KLHL13: variants seen among roughly 807,000 people sequenced by gnomAD.
KLHL13 encodes the protein kelch like family member 13, also known as kelch-like protein 13.
Under a neutral mutation model 37.1 loss-of-function variants are expected in KLHL13, and 10 were observed. The observed-to-expected ratio is 0.27, with a 90% CI of 0.17 to 0.46. The LOEUF (loss-of-function observed/expected upper bound fraction) is 0.46, where lower values mean the gene tolerates loss of function less well. Among genes scored for constraint, KLHL13 ranks in the 20% least tolerant of loss-of-function variants. The probability of loss-of-function intolerance (pLI) is 1.00; values close to 1 mark genes in which losing one functional copy is unlikely to be tolerated. For missense variants in KLHL13, 360 were observed against 509.3 expected (o/e 0.71, Z 2.82); for synonymous variants, 163 against 181.2 (o/e 0.90, Z 0.81).
At chrX:118,013,795 T>C (rs1278718704) in intron 1 of KLHL13, among the ~76,000 whole-genome samples, 1 of 112,574 alleles carries the variant, frequency 8.9e-6, no homozygotes, top group Non-Finnish European at 1.9e-5. Context: ...GAACATAAAT[T>C]GTGAAGATTT....
chrX:118,091,140 AG>A (rs1167417450), intron 1 of KLHL13, among the ~76,000 whole-genome samples: 1 of 45,463 alleles, frequency 2.2e-5, no homozygotes, highest in Non-Finnish European at 3.7e-5. Context: ...GGGTGGGGGG[AG>A]GGGGGAGGGA....
intron 1 of KLHL13, among the ~76,000 whole-genome samples, chrX:118,047,289 G>A (rs1254395252): frequency 1.8e-5 from 2 of 111,918 alleles, no homozygotes; most frequent in African/African-American, 6.5e-5. Flanking sequence ...CAGTGAAGAA[G>A]GCAAGCAGCA....
At chrX:118,057,154 A>G (rs2054693493) in intron 1 of KLHL13, among the ~76,000 whole-genome samples, 1 of 112,021 alleles carries the variant, frequency 8.9e-6, no homozygotes, top group Non-Finnish European at 1.9e-5. Context: ...ACAAGGATAG[A>G]TCAATGGAAT....
chrX:118,031,508 T>TATATATATTTAGATATATATATAC (rs2054342119), intron 1 of KLHL13, among the ~76,000 whole-genome samples: 1 of 71,031 alleles, frequency 1.4e-5, no homozygotes, highest in African/African-American at 8.0e-5. Context: ...TATATATATA[T>TATATATATTTAGATATATATATAC]ACACACACAT....
intron 2 of KLHL13, among the ~76,000 whole-genome samples, chrX:117,925,440 C>T (rs6645997): frequency 0.1 from 11,450 of 110,879 alleles, 595 homozygotes; most frequent in African/African-American, 0.2. Context: ...AAGAAATGGC[C>T]TTACTCCAGT....
At chrX:117,963,344 T>C (rs1272912518) in intron 1 of KLHL13, among the ~76,000 whole-genome samples, 1 of 112,045 alleles carries the variant, frequency 8.9e-6, no homozygotes, top group African/African-American at 3.2e-5. Flanking sequence ...ATCAAATTAT[T>C]ACTGCTTGGA....
intron 1 of KLHL13, among the ~76,000 whole-genome samples, chrX:118,054,162 A>G (rs1448643971): frequency 9.0e-6 from 1 of 111,163 alleles, no homozygotes; most frequent in Non-Finnish European, 1.9e-5. Flanking sequence ...AAGCAGGTGC[A>G]GGTTGTTTCT....
intron 1 of KLHL13, among the ~76,000 whole-genome samples, chrX:118,055,384 C>T (rs1002447623): frequency 5.4e-5 from 6 of 112,140 alleles, no homozygotes; most frequent in African/African-American, 1.6e-4. Flanking sequence ...CTTGGCATGG[C>T]ATCTTAAAAT....
At position 117,898,926 on chromosome X, in the gene KLHL13, G is replaced by A. The variant is rs181556463; in HGVS notation, c.1950C>T (p.Ser650=). ...GATGATCTTAAGGTGCAGAAAGAGG[G>A]GACTCTCTAGAAGGTGATGGTGTGG... The change falls in exon 7 of 7, where the codon TCC becomes TCT. Residue 650 remains serine (S), a synonymous_variant. Coordinates refer to ENST00000262820, the Ensembl canonical transcript of KLHL13. 2.7e-5 allele frequency: 33 copies of A among 1,203,520 alleles called. No homozygotes were observed. In the East Asian group the frequency reaches 8.9e-4, roughly 32 times the overall value.
intron 6 of KLHL13, among the ~76,000 whole-genome samples, chrX:117,900,221 T>C (rs1602523487): frequency 8.9e-6 from 1 of 112,355 alleles, no homozygotes; most frequent in East Asian, 2.8e-4. Context: ...AGCTAATCTT[T>C]AGTCAAATCA....
chrX:117,913,620 T>C (rs1303678058), intron 4 of KLHL13, among the ~76,000 whole-genome samples: 1 of 110,996 alleles, frequency 9.0e-6, no homozygotes, highest in Admixed American at 9.5e-5. Context: ...CCTTGGTGGG[T>C]GGATCATGAG....
At chrX:118,097,261 C>A (rs758287563) in intron 1 of KLHL13, among the ~76,000 whole-genome samples, 79 of 110,582 alleles carry the variant, frequency 7.1e-4, no homozygotes, top group Non-Finnish European at 1.1e-3. Context: ...GTGCAAAAAT[C>A]ACAAGCATTC....
In KLHL13 at chrX:117,998,966, A is replaced by G. The variant is rs6645432; in HGVS notation, c.-55-53391T>C. Among the ~76,000 whole-genome samples the G allele has an allele frequency of 5.7e-3, 636 of 111,115 alleles. 5 individuals carry two copies. The highest frequency in any genetic ancestry group is 0.018 in the African/African-American group (546 of 30,676). ...TAAATACTATACAAGTTTGTACCAT[A>G]TAATTATTCCTCAAAATTATGATTT... On this transcript the variant is annotated intron_variant, in intron 1 of 6. Transcript: ENST00000371882.
intron 1 of KLHL13, among the ~76,000 whole-genome samples, chrX:118,034,140 T>C (rs996181750): frequency 1.0e-4 from 10 of 99,791 alleles, no homozygotes; most frequent in Non-Finnish European, 1.7e-4. Flanking sequence ...ACATTAATAA[T>C]GGGAGACTTT....
chrX:118,022,168 T>C (rs1363316858), intron 1 of KLHL13, among the ~76,000 whole-genome samples: 1 of 112,061 alleles, frequency 8.9e-6, no homozygotes, highest in Non-Finnish European at 1.9e-5. Context: ...AAATTTTCTC[T>C]AGGCATTATC....
At chrX:118,111,939 T>G (rs1409758054) in intron 1 of KLHL13, among the ~76,000 whole-genome samples, 1 of 111,686 alleles carries the variant, frequency 9.0e-6, no homozygotes, top group Non-Finnish European at 1.9e-5. Flanking sequence ...AAAGTGGGCC[T>G]AGCTAATTCA....
intron 1 of KLHL13, among the ~76,000 whole-genome samples, chrX:117,998,874 A>C (rs1011734037): frequency 3.6e-5 from 4 of 110,481 alleles, no homozygotes; most frequent in African/African-American, 1.3e-4. Context: ...TGCTATGTAA[A>C]TTATACATAT....
chrX:118,108,682 T>G (rs768147346), intron 1 of KLHL13, among the ~76,000 whole-genome samples: 1 of 112,745 alleles, frequency 8.9e-6, no homozygotes, highest in African/African-American at 3.2e-5. Flanking sequence ...TTAGCAAAAG[T>G]GAACTTCAAA....
intron 1 of KLHL13, among the ~76,000 whole-genome samples, chrX:118,004,118 T>C (rs1283362239): frequency 2.7e-5 from 3 of 111,680 alleles, no homozygotes; most frequent in African/African-American, 9.8e-5. Context: ...GACATGTTTC[T>C]TAATGTTACC....
Sources: allele counts gnomAD v4.1 joint callset (sites outside exome capture counted in the v4.1 genomes callset), GRCh38; gene constraint gnomAD v4.1.1; transcripts MANE v1.5; gene names NCBI Gene and HGNC (gene_info 2026-07-23, HGNC 2026-07-21).